The following CCAR1 variants were observed in gnomAD, a reference collection of about 807,000 sequenced individuals.
The protein encoded by CCAR1 is cell division cycle and apoptosis regulator protein 1.
CCAR1 carries 78 observed loss-of-function variants against 163.8 expected under a neutral mutation model. The ratio of observed to expected loss-of-function variants is 0.48; its 90% CI spans 0.40 to 0.57. The LOEUF (loss-of-function observed/expected upper bound fraction) is 0.57, where lower values mean the gene tolerates loss of function less well. CCAR1 is among the 20% of genes least tolerant of loss of function. The pLI is 0.00. For missense variants in CCAR1, 1,019 were observed against 1,365.2 expected (o/e 0.75, Z 4.00); for synonymous variants, 443 against 460.7 (o/e 0.96, Z 0.49).
intron 2 of CCAR1, chr10:68,735,955 T>C (rs1162963): frequency 0.88 from 133,303 of 152,130 alleles, 58,489 homozygotes; most frequent in African/African-American, 0.9. Flanking sequence ...CAGGTTTAAA[T>C]GATTCTCCTG....
Position 68,747,166 on chromosome 10 carries a change from T to G in CCAR1, c.524T>G (p.Val175Gly). ...TTTTCTTTTTTTTTTTACAGTGCTG[T>G]CAAAGGGAAAACCCCCCAAGTAGGT... ...DEDVFFQLSAVKGKTPQVGDR... is the reference protein window; with the variant it reads ...DEDVFFQLSAGKGKTPQVGDR... Residue 175 changes from valine (V) to glycine (G), a missense_variant, in exon 7 of 25, where the codon GTC becomes GGC. Coordinates refer to ENST00000265872, the MANE Select transcript of CCAR1 (RefSeq NM_018237.4). 2 of 1,557,252 alleles carry G rather than the reference T, an allele frequency of 1.3e-6. No individual in the cohort carries two copies. Among genetic ancestry groups the G allele is most frequent in the Non-Finnish European group, 1.7e-6 (2 of 1,146,000 alleles).
intron 15 of CCAR1, 127 bp from the exon 16 acceptor site, chr10:68,760,872 CAAAAAACA>C (rs1379364631): frequency 4.4e-5 from 17 of 388,568 alleles, no homozygotes; most frequent in African/African-American, 1.7e-4. Context: ...TCAAAAAAAA[CAAAAAACA>C]AAAAAAAAAA....
chr10:68,783,410 T>C (rs1047366173), intron 19 of CCAR1, among the ~76,000 whole-genome samples: 8 of 151,884 alleles, frequency 5.3e-5, no homozygotes, highest in African/African-American at 1.5e-4. Context: ...CCTGACCTCG[T>C]GATCTGTCTG....
intron 2 of CCAR1, among the ~76,000 whole-genome samples, chr10:68,733,030 C>G (rs2056061635): frequency 6.6e-6 from 1 of 152,140 alleles, no homozygotes; most frequent in South Asian, 2.1e-4. Flanking sequence ...TAAGATATTC[C>G]CCACGTCTAT....
chr10:68,785,397 T>C (rs906939011), intron 19 of CCAR1, among the ~76,000 whole-genome samples: 8 of 151,818 alleles, frequency 5.3e-5, no homozygotes, highest in Non-Finnish European at 1.0e-4. Context: ...ATTTTTGTAT[T>C]TTTTTGTAGA....
chr10:68,783,726 C>T (rs2056763619), intron 19 of CCAR1, among the ~76,000 whole-genome samples: 1 of 151,216 alleles, frequency 6.6e-6, no homozygotes, highest in African/African-American at 2.4e-5. Context: ...GGAACTGCTG[C>T]AATATCAGGA....
chr10:68,721,687 C>A (rs1017901893), intron 1 of CCAR1: 2 of 384,638 alleles, frequency 5.2e-6, no homozygotes, highest in Non-Finnish European at 1.1e-5. Flanking sequence ...GAGCCCAGGG[C>A]TCTCGGGAGC....
intron 2 of CCAR1, among the ~76,000 whole-genome samples, chr10:68,724,693 A>G (rs570332910): frequency 1.3e-5 from 2 of 152,198 alleles, no homozygotes; most frequent in African/African-American, 2.4e-5. Flanking sequence ...GTTGAGGTAG[A>G]AGGATTGCTT....
intron 4 of CCAR1, 122 bp downstream of exon 4, chr10:68,738,011 G>A (rs1434310550): frequency 1.6e-6 from 1 of 638,562 alleles, no homozygotes; most frequent in African/African-American, 1.9e-5. Flanking sequence ...TTTTTGGGAG[G>A]GGCTAGAGTA....
rs1335545550 is a variant in CCAR1, at chr10:68,757,290, T to G, written c.1837-4T>G. On this transcript the variant is annotated splice_polypyrimidine_tract_variant and splice_region_variant and intron_variant, in intron 14 of 24. Coordinates refer to ENST00000265872, the MANE Select transcript of CCAR1 (RefSeq NM_018237.4). Reference sequence around the variant, plus strand: ...GTAATTACATTCTTAACTTTGTATGTCAGGATGAAGAAGAGAAGGATGATG... The same window carrying G: ...GTAATTACATTCTTAACTTTGTATGGCAGGATGAAGAAGAGAAGGATGATG... 1.4e-6 allele frequency: 2 copies of G among 1,470,516 alleles called. No homozygotes were observed. The highest frequency in any genetic ancestry group is 2.3e-5 in the East Asian group (1 of 44,026). The allele number at this position is 1,470,516 out of a possible 1,614,324, so 91.1% of individuals were successfully genotyped here. A position where few individuals can be genotyped will look rare whatever the true frequency, so the allele number is the denominator to read the frequency against.
rs767729481 is a variant in CCAR1 at position 68,749,637 on chromosome 10, G to T, written c.1070G>T (p.Arg357Leu). 9 of 1,613,994 alleles carry T rather than the reference G, an allele frequency of 5.6e-6. No individual in the cohort carries two copies. The highest frequency in any genetic ancestry group is 4.5e-5 in the East Asian group (2 of 44,884). Residue 357 changes from arginine to leucine, a missense_variant, in exon 10 of 25, where the codon CGT (arginine) becomes CTT (leucine). By Grantham distance (102) the Arg-to-Leu change is moderately radical. Coordinates refer to ENST00000265872, the MANE Select transcript of CCAR1 (RefSeq NM_018237.4). ...GAGCGATCACCTCGGAGAGTTCGAC[G>T]TGTTGTTCCACGTTACACAGTTCAG... ...ERERSPRRVR[R>L]VVPRYTVQFS...
Position 68,787,915 on chromosome 10 carries a change from C to G in CCAR1, c.2881-12C>G. On this transcript the variant is annotated splice_polypyrimidine_tract_variant and intron_variant, in intron 21 of 24. Transcript: ENST00000265872. ...TTCATCTCTGTATTTTGTTTACTTGCATGCATAACAGGTAAAGAAGCTTCT... is the reference window on the plus strand; with the variant it reads ...TTCATCTCTGTATTTTGTTTACTTGGATGCATAACAGGTAAAGAAGCTTCT... The G allele has an allele frequency of 6.3e-7, 1 of 1,587,040 alleles. No homozygotes were observed. The highest frequency in any genetic ancestry group is 8.5e-7 in the Non-Finnish European group (1 of 1,171,308).
At chr10:68,745,939 C>T (rs2056248319) in intron 6 of CCAR1, among the ~76,000 whole-genome samples, 1 of 152,048 alleles carries the variant, frequency 6.6e-6, no homozygotes, top group South Asian at 2.1e-4. Context: ...ACCTGGCCAT[C>T]TACTTTTTCT....
intron 6 of CCAR1, among the ~76,000 whole-genome samples, chr10:68,743,773 C>CA (rs2056216613): frequency 6.6e-6 from 1 of 150,570 alleles, no homozygotes; most frequent in African/African-American, 2.4e-5. Flanking sequence ...TACTTTGAGA[C>CA]AGAGTCTCGC....
chr10:68,782,643 T>C (rs935286413), intron 19 of CCAR1, among the ~76,000 whole-genome samples: 1 of 152,176 alleles, frequency 6.6e-6, no homozygotes, highest in Non-Finnish European at 1.5e-5. Flanking sequence ...CTTGTGACTT[T>C]AAGCTGAAGC....
chr10:68,743,831 G>A (rs907569304), intron 6 of CCAR1, among the ~76,000 whole-genome samples: 7 of 152,096 alleles, frequency 4.6e-5, no homozygotes, highest in African/African-American at 9.7e-5. Context: ...GTTCACTGCA[G>A]CCTCCGCCTC....
chr10:68,758,802 AGCTGGGACTACAGGCCTGT>A (rs1241696467), intron 15 of CCAR1, among the ~76,000 whole-genome samples: 1 of 151,460 alleles, frequency 6.6e-6, no homozygotes, highest in African/African-American at 2.4e-5. Flanking sequence ...CCTCCCGAGT[AGCTGGGACTACAGGCCTGT>A]GCCACCATGC....
At chr10:68,788,692 C>T (rs2056822416) in intron 23 of CCAR1, among the ~76,000 whole-genome samples, 1 of 152,040 alleles carries the variant, frequency 6.6e-6, no homozygotes, top group Non-Finnish European at 1.5e-5. Context: ...ACCATGTTGG[C>T]CAGGATGGTC....
At chr10:68,787,207 T>A (rs2056805003) in intron 21 of CCAR1, among the ~76,000 whole-genome samples, 1 of 152,120 alleles carries the variant, frequency 6.6e-6, no homozygotes, top group Non-Finnish European at 1.5e-5. Context: ...TGTAAGCAGC[T>A]CAGTTCCATT....
Sources: gnomAD v4.1 joint callset for allele counts (sites outside exome capture counted in the v4.1 genomes callset) on GRCh38, gnomAD v4.1.1 for gene constraint, MANE v1.5 for transcripts, NCBI Gene and HGNC (gene_info 2026-07-23, HGNC 2026-07-21) for gene names.